The following NCOA2 variants were observed in gnomAD, a reference collection of about 807,000 sequenced individuals.
NCOA2 encodes class E basic helix-loop-helix protein 75.
NCOA2 carries 21 observed loss-of-function variants against 145.1 expected under a neutral mutation model. The observed-to-expected ratio is 0.14, with a 90% confidence interval of 0.10 to 0.21. The LOEUF is 0.21. NCOA2 is among the 10% of genes least tolerant of loss of function. NCOA2 has a pLI of 1.00. For synonymous variants in NCOA2, 619 were observed against 637.5 expected, an observed-to-expected ratio of 0.97 and a Z score of 0.44; for missense variants, 1,472 against 1,837.6, an observed-to-expected ratio of 0.80 and a Z score of 3.64.
At chr8:70,158,699 C>A (rs547956903) in intron 10 of NCOA2, among the ~76,000 whole-genome samples, 21 of 152,256 alleles carry the variant, frequency 1.4e-4, no homozygotes, top group Middle Eastern at 6.8e-3. Context: ...TTGCAGTGAG[C>A]TGAGATCGCG....
chr8:70,307,090 T>C (rs1351511196), intron 1 of NCOA2, among the ~76,000 whole-genome samples: 2 of 152,042 alleles, frequency 1.3e-5, no homozygotes, highest in Non-Finnish European at 2.9e-5. Flanking sequence ...AGAAAAGGAT[T>C]TGATATCAAG....
intron 1 of NCOA2, among the ~76,000 whole-genome samples, chr8:70,317,926 A>G (rs1805735755): frequency 6.7e-6 from 1 of 149,888 alleles, no homozygotes; most frequent in Non-Finnish European, 1.5e-5. Context: ...CCCTGTCTCT[A>G]AAAAACAAAA....
At chr8:70,328,664 T>C (rs1183693282) in intron 1 of NCOA2, among the ~76,000 whole-genome samples, 1 of 152,172 alleles carries the variant, frequency 6.6e-6, no homozygotes, top group Non-Finnish European at 1.5e-5. Context: ...TACACACCTA[T>C]TCATCTGTAC....
chr8:70,232,913 A>G (rs1821263292), intron 2 of NCOA2, among the ~76,000 whole-genome samples: 1 of 127,924 alleles, frequency 7.8e-6, no homozygotes, highest in Non-Finnish European at 1.8e-5. Context: ...ATACATATAT[A>G]TATATTTCAT....
chr8:70,249,914 G>C (rs776174085), intron 2 of NCOA2, among the ~76,000 whole-genome samples: 1 of 127,798 alleles, frequency 7.8e-6, no homozygotes, highest in African/African-American at 3.0e-5. Context: ...AGTGAGCCGA[G>C]ATCAGAACAT....
chr8:70,123,820 G>T, intron 21 of NCOA2, 64 bp downstream of exon 21: 1 of 1,364,000 alleles, frequency 7.3e-7, no homozygotes, highest in Non-Finnish European at 9.9e-7. Flanking sequence ...AGATATATTT[G>T]ATGCAGAAGT....
chr8:70,324,126 T>C (rs932341743), intron 1 of NCOA2, among the ~76,000 whole-genome samples: 1 of 152,210 alleles, frequency 6.6e-6, no homozygotes, highest in African/African-American at 2.4e-5. Context: ...TAAAATATAC[T>C]AAGTAAGCTG....
chr8:70,450,146 G>T, the NCOA2 span, among the ~76,000 whole-genome samples: 19 of 152,216 alleles, frequency 1.2e-4, no homozygotes, highest in Non-Finnish European at 2.2e-4. Flanking sequence ...ATACAAGGGT[G>T]CTCTGCCCTT....
intron 1 of NCOA2, among the ~76,000 whole-genome samples, chr8:70,309,456 A>G (rs1644135017): frequency 6.6e-6 from 1 of 152,112 alleles, no homozygotes; most frequent in East Asian, 1.9e-4. Flanking sequence ...CTTAAGGATA[A>G]ATAAAAATTA....
At chr8:70,412,742 G>T in the NCOA2 span, among the ~76,000 whole-genome samples, 2 of 151,128 alleles carry the variant, frequency 1.3e-5, no homozygotes, top group Non-Finnish European at 1.5e-5. Context: ...TGTAAAAATT[G>T]GAATACAGAT....
chr8:70,333,285 C>G (rs1032295038), intron 1 of NCOA2, among the ~76,000 whole-genome samples: 3 of 152,150 alleles, frequency 2.0e-5, no homozygotes, highest in Admixed American at 6.5e-5. Context: ...TATTCCTAAG[C>G]ATTCACTATT....
the NCOA2 span, among the ~76,000 whole-genome samples, chr8:70,455,066 G>C: frequency 6.6e-6 from 1 of 152,214 alleles, no homozygotes; most frequent in East Asian, 1.9e-4. Context: ...ACTTTGAAAA[G>C]AACATTAAAT....
intron 5 of NCOA2, 98 bp downstream of exon 5, chr8:70,174,658 T>C (rs72663937): frequency 0.12 from 133,586 of 1,132,660 alleles, 9,218 homozygotes; most frequent in Middle Eastern, 0.18. Flanking sequence ...CTAGTACTAG[T>C]GTGGATTCTC....
chr8:70,397,163 C>T (rs980360325), intron 1 of NCOA2, among the ~76,000 whole-genome samples: 1 of 152,064 alleles, frequency 6.6e-6, no homozygotes, highest in African/African-American at 2.4e-5. Context: ...ACCTTTTAGT[C>T]AAGAGCAAGA....
Position 70,166,574 on chromosome 8 carries a change from T to C in NCOA2, c.722A>G (p.Glu241Gly). The C allele has an allele frequency of 1.9e-6, 3 of 1,614,010 alleles. No homozygotes were observed. Among genetic ancestry groups the C allele is most frequent in the East Asian group, 2.2e-5 (1 of 44,886 alleles). ...TAGGGATTCTGTCCCACCTTCTCCTTCTTCTTTGATGGACTTTGGTTGAGA... is the reference window on the plus strand; with the variant it reads ...TAGGGATTCTGTCCCACCTTCTCCTCCTTCTTTGATGGACTTTGGTTGAGA... Reference protein sequence around the residue: ...AVSQPKSIKEEGEDLQSCLIC... With the variant: ...AVSQPKSIKEGGEDLQSCLIC... Residue 241 changes from glutamate (E) to glycine (G), a missense_variant, in exon 7 of 23, where the codon GAA (glutamate) becomes GGA (glycine). Glu to Gly is a moderately conservative substitution (Grantham distance 98, BLOSUM62 -2). Coordinates refer to ENST00000452400, the MANE Select transcript of NCOA2 (RefSeq NM_006540.4).
At chr8:70,118,294 A>G (rs965923953) in intron 22 of NCOA2, among the ~76,000 whole-genome samples, 2 of 152,166 alleles carry the variant, frequency 1.3e-5, no homozygotes, top group African/African-American at 4.8e-5. Flanking sequence ...GTGGGAGCCC[A>G]ATTATCAGTA....
the NCOA2 span, among the ~76,000 whole-genome samples, chr8:70,411,302 G>A: frequency 3.8e-3 from 584 of 152,234 alleles, 8 homozygotes; most frequent in African/African-American, 0.014. Flanking sequence ...GGAAAAAATG[G>A]CATAAAGATT....
intron 4 of NCOA2, among the ~76,000 whole-genome samples, chr8:70,204,562 A>G (rs1230017318): frequency 1.3e-5 from 2 of 152,236 alleles, no homozygotes; most frequent in African/African-American, 4.8e-5. Context: ...TATAATACAA[A>G]TGTTATGTTC....
chr8:70,424,947 G>T, the NCOA2 span, among the ~76,000 whole-genome samples: 2 of 152,170 alleles, frequency 1.3e-5, no homozygotes, highest in African/African-American at 4.8e-5. Context: ...TGGGTGGAGT[G>T]TTCAAATGTC....
Sources: allele counts gnomAD v4.1 joint callset (sites outside exome capture counted in the v4.1 genomes callset), GRCh38; gene constraint gnomAD v4.1.1; transcripts MANE v1.5; gene names NCBI Gene and HGNC (gene_info 2026-07-23, HGNC 2026-07-21).